The following SLC4A10 variants were observed in gnomAD, a reference collection of about 807,000 sequenced individuals.
SLC4A10 encodes sodium-driven chloride bicarbonate exchanger.
In SLC4A10, 42 loss-of-function variants were observed where a neutral mutation model predicts 137.7. The observed-to-expected ratio is 0.30, with a 90% CI of 0.24 to 0.39. SLC4A10 has a LOEUF of 0.39. Ranked by LOEUF, SLC4A10 falls within the 10% of genes least tolerant of loss-of-function variation. SLC4A10 has a pLI of 1.00. For missense variants in SLC4A10, 925 were observed against 1,355.0 expected (o/e 0.68, Z 4.98); for synonymous variants, 474 against 464.1 (o/e 1.02, Z -0.27).
intron 1 of SLC4A10, among the ~76,000 whole-genome samples, chr2:161,749,596 A>G (rs1252722074): frequency 6.6e-6 from 1 of 151,894 alleles, no homozygotes; most frequent in Non-Finnish European, 1.5e-5. Context: ...TTGCATCCCC[A>G]GGATAAATCC....
intron 15 of SLC4A10, among the ~76,000 whole-genome samples, chr2:161,940,416 C>T (rs1692460739): frequency 6.6e-6 from 1 of 151,754 alleles, no homozygotes; most frequent in Non-Finnish European, 1.5e-5. Context: ...CAACCTCAGG[C>T]CTGGAACACT....
At chr2:161,632,605 A>AT (rs1285334621) in intron 1 of SLC4A10, among the ~76,000 whole-genome samples, 4 of 151,518 alleles carry the variant, frequency 2.6e-5, no homozygotes, top group East Asian at 3.9e-4. Flanking sequence ...AAAATTTGGT[A>AT]TTTTTTTCCT....
intron 19 of SLC4A10, 127 bp from the exon 20 acceptor site, chr2:161,956,862 A>T: frequency 9.9e-7 from 1 of 1,011,078 alleles, no homozygotes. Flanking sequence ...TTTAAGAGTT[A>T]CTCCAGGAGA....
intron 3 of SLC4A10, among the ~76,000 whole-genome samples, chr2:161,830,498 A>C (rs757173403): frequency 6.2e-4 from 94 of 151,290 alleles, no homozygotes; most frequent in Non-Finnish European, 1.1e-3. Context: ...TGTTATTGTA[A>C]TTACAGTTAC....
At chr2:161,937,009 A>G (rs941368665) in intron 15 of SLC4A10, among the ~76,000 whole-genome samples, 3 of 152,136 alleles carry the variant, frequency 2.0e-5, no homozygotes, top group African/African-American at 7.2e-5. Context: ...GCAATCTACA[A>G]AAGTATTTGT....
intron 3 of SLC4A10, among the ~76,000 whole-genome samples, chr2:161,836,763 A>G (rs562000461): frequency 1.4e-4 from 21 of 152,282 alleles, no homozygotes; most frequent in African/African-American, 5.0e-4. Flanking sequence ...CAAAATTATT[A>G]AAAAGTATCA....
At chr2:161,666,756 A>G in intron 1 of SLC4A10, among the ~76,000 whole-genome samples, 1 of 151,724 alleles carries the variant, frequency 6.6e-6, no homozygotes, top group East Asian at 1.9e-4. Flanking sequence ...TTCTTTCCAG[A>G]AGTCTATTGA....
chr2:161,923,156 T>A (rs975449462), intron 15 of SLC4A10, among the ~76,000 whole-genome samples: 7 of 152,222 alleles, frequency 4.6e-5, no homozygotes, highest in Non-Finnish European at 7.3e-5. Context: ...TTAATTATAA[T>A]GTTTATGTAA....
chr2:161,939,492 T>C (rs958080566), intron 15 of SLC4A10, among the ~76,000 whole-genome samples: 2 of 152,156 alleles, frequency 1.3e-5, no homozygotes, highest in Non-Finnish European at 2.9e-5. Flanking sequence ...TAGCTATAAG[T>C]ATATAGCCAC....
chr2:161,820,759 A>G (rs1048814750), intron 3 of SLC4A10, among the ~76,000 whole-genome samples: 12 of 152,190 alleles, frequency 7.9e-5, no homozygotes, highest in African/African-American at 2.7e-4. Flanking sequence ...ACATTTTTCT[A>G]TATGTCTTTT....
At chr2:161,650,894 G>A (rs950309278) in intron 1 of SLC4A10, among the ~76,000 whole-genome samples, 3 of 152,142 alleles carry the variant, frequency 2.0e-5, no homozygotes, top group East Asian at 1.9e-4. Flanking sequence ...TGTTGATGGC[G>A]GCAAGAGGCA....
chr2:161,809,799 G>A (rs2056365648), intron 3 of SLC4A10, among the ~76,000 whole-genome samples: 1 of 152,068 alleles, frequency 6.6e-6, no homozygotes. Flanking sequence ...ACAGTTTGAA[G>A]TCAGGTAATA....
intron 15 of SLC4A10, among the ~76,000 whole-genome samples, chr2:161,923,042 A>G (rs1387856745): frequency 6.6e-6 from 1 of 152,206 alleles, no homozygotes; most frequent in African/African-American, 2.4e-5. Flanking sequence ...GAGTTCTACC[A>G]AATTATGTTT....
In SLC4A10 at chr2:161,829,362, G is replaced by A. The variant is rs79967088; in HGVS notation, c.278-10427G>A. 9.5e-3 allele frequency among the ~76,000 whole-genome samples: 1,440 copies of A among 152,220 alleles called. 88 individuals are homozygous for A. In the East Asian group the frequency reaches 0.17, roughly 18 times the overall value. On this transcript the variant is annotated intron_variant, in intron 3 of 26. Coordinates refer to ENST00000446997, the MANE Select transcript of SLC4A10 (RefSeq NM_001178015.2). ...AAGCAACTATTCAAAGTACAGCCAGGCTGAAGACGGCAGTATGTTGTTTTT... is the reference window on the plus strand; with the variant it reads ...AAGCAACTATTCAAAGTACAGCCAGACTGAAGACGGCAGTATGTTGTTTTT...
intron 5 of SLC4A10, among the ~76,000 whole-genome samples, chr2:161,856,397 A>ACC (rs1553595534): frequency 2.7e-5 from 4 of 147,892 alleles, no homozygotes; most frequent in African/African-American, 7.5e-5. Context: ...ACACACACAC[A>ACC]CCACACTGCC....
intron 4 of SLC4A10, among the ~76,000 whole-genome samples, chr2:161,852,985 A>G (rs1301874652): frequency 6.6e-6 from 1 of 152,238 alleles, no homozygotes; most frequent in Non-Finnish European, 1.5e-5. Context: ...ACTTTATGTA[A>G]TACTATTCCA....
chr2:161,825,862 A>G (rs952779545), intron 3 of SLC4A10, among the ~76,000 whole-genome samples: 9 of 152,182 alleles, frequency 5.9e-5, no homozygotes, highest in African/African-American at 2.2e-4. Context: ...ATGATCCTTT[A>G]TAGCCAGCCT....
At chr2:161,633,871 A>G (rs1280547026) in intron 1 of SLC4A10, among the ~76,000 whole-genome samples, 3 of 151,808 alleles carry the variant, frequency 2.0e-5, no homozygotes, top group Non-Finnish European at 4.4e-5. Flanking sequence ...TCAAAAGTAA[A>G]TATAAACTAA....
At chr2:161,683,082 G>T (rs1246808735) in intron 1 of SLC4A10, among the ~76,000 whole-genome samples, 4 of 152,094 alleles carry the variant, frequency 2.6e-5, no homozygotes, top group Admixed American at 1.3e-4. Context: ...ATTCAGGTGA[G>T]GGGACTGACT....
Sources: allele counts gnomAD v4.1 joint callset (sites outside exome capture counted in the v4.1 genomes callset), GRCh38; gene constraint gnomAD v4.1.1; transcripts MANE v1.5; gene names NCBI Gene and HGNC (gene_info 2026-07-23, HGNC 2026-07-21).